The following CSRNP3 variants were observed in gnomAD, a reference collection of about 807,000 sequenced individuals.
CSRNP3 encodes cysteine and serine rich nuclear protein 3, also known as cysteine/serine-rich nuclear protein 3.
A neutral mutation model predicts 48.0 loss-of-function variants in CSRNP3; 12 were observed. That is an observed-to-expected ratio of 0.25 (90% CI 0.16 to 0.41). The LOEUF is 0.41. CSRNP3 is among the 10% of genes least tolerant of loss of function. The pLI is 1.00. For synonymous variants in CSRNP3, 263 were observed against 269.7 expected (o/e 0.98, Z 0.24); for missense variants, 580 against 724.4 (o/e 0.80, Z 2.29).
At chr2:165,617,612 C>A (rs1007153910) in intron 4 of CSRNP3, among the ~76,000 whole-genome samples, 1 of 152,148 alleles carries the variant, frequency 6.6e-6, no homozygotes, top group African/African-American at 2.4e-5. Context: ...CTGGTTGGTG[C>A]ATGCAGGCAC....
intron 4 of CSRNP3, among the ~76,000 whole-genome samples, chr2:165,612,656 A>G (rs953499817): frequency 5.9e-5 from 9 of 151,914 alleles, no homozygotes; most frequent in Non-Finnish European, 1.3e-4. Context: ...TAGCTCTCAC[A>G]TATAAATGAG....
At chr2:165,640,509 G>C (rs1195081406) in intron 4 of CSRNP3, among the ~76,000 whole-genome samples, 1 of 152,174 alleles carries the variant, frequency 6.6e-6, no homozygotes, top group East Asian at 1.9e-4. Context: ...GCATCATTAG[G>C]ATTGATAGCT....
intron 4 of CSRNP3, among the ~76,000 whole-genome samples, chr2:165,625,403 G>T (rs541988540): frequency 1.3e-5 from 2 of 151,716 alleles, no homozygotes; most frequent in Non-Finnish European, 2.9e-5. Flanking sequence ...AAGGTGGGTG[G>T]ATCATCTGAG....
chr2:165,484,561 T>C (rs1437665279), intron 1 of CSRNP3, among the ~76,000 whole-genome samples: 1 of 152,204 alleles, frequency 6.6e-6, no homozygotes, highest in African/African-American at 2.4e-5. Context: ...CTTCCAGCCA[T>C]GTACTGTCAG....
chr2:165,581,186 A>T (rs755399371), intron 3 of CSRNP3, among the ~76,000 whole-genome samples: 2 of 152,210 alleles, frequency 1.3e-5, no homozygotes, highest in Non-Finnish European at 2.9e-5. Context: ...CCAAATGATG[A>T]TCAATGTTTA....
At chr2:165,595,702 A>G (rs1685798928) in intron 4 of CSRNP3, among the ~76,000 whole-genome samples, 1 of 152,198 alleles carries the variant, frequency 6.6e-6, no homozygotes, top group Non-Finnish European at 1.5e-5. Flanking sequence ...AAGTGTGTAC[A>G]GTCTAATGGC....
chr2:165,485,663 G>T (rs2105451834), intron 1 of CSRNP3, among the ~76,000 whole-genome samples: 1 of 152,010 alleles, frequency 6.6e-6, no homozygotes, highest in Non-Finnish European at 1.5e-5. Flanking sequence ...ATAACTTTAG[G>T]GAGAATGGTA....
intron 4 of CSRNP3, among the ~76,000 whole-genome samples, chr2:165,649,039 G>A (rs1410026308): frequency 3.3e-5 from 5 of 152,140 alleles, no homozygotes; most frequent in Non-Finnish European, 4.4e-5. Flanking sequence ...TTGTGTGGAC[G>A]TAACTGACAG....
chr2:165,536,452 A>G (rs1684883432), intron 3 of CSRNP3, among the ~76,000 whole-genome samples: 1 of 151,954 alleles, frequency 6.6e-6, no homozygotes. Flanking sequence ...TCTGCCTGTC[A>G]AAAAACATGC....
At chr2:165,505,112 G>T (rs563958931) in intron 2 of CSRNP3, among the ~76,000 whole-genome samples, 2 of 152,192 alleles carry the variant, frequency 1.3e-5, no homozygotes, top group South Asian at 4.1e-4. Context: ...TGGGATTGGG[G>T]TTATAAATTC....
chr2:165,553,932 T>A (rs527414223), intron 3 of CSRNP3, among the ~76,000 whole-genome samples: 1 of 152,228 alleles, frequency 6.6e-6, no homozygotes, highest in Non-Finnish European at 1.5e-5. Context: ...TACTGCCCCA[T>A]TTCTTACCCA....
intron 4 of CSRNP3, among the ~76,000 whole-genome samples, chr2:165,651,902 T>C (rs892143646): frequency 6.6e-6 from 1 of 152,094 alleles, no homozygotes; most frequent in Admixed American, 6.5e-5. Context: ...GTGATCCGCC[T>C]GCCTCGGCCT....
intron 3 of CSRNP3, chr2:165,574,008 G>T (rs955734225): frequency 1.5e-5 from 3 of 201,570 alleles, no homozygotes; most frequent in Non-Finnish European, 3.0e-5. Context: ...GTGAGAATAG[G>T]ACTCTAAAAC....
At chr2:165,521,003 A>AT (rs1170257882) in intron 3 of CSRNP3, among the ~76,000 whole-genome samples, 2 of 150,748 alleles carry the variant, frequency 1.3e-5, no homozygotes, top group South Asian at 2.1e-4. Flanking sequence ...TTTTTAAAAA[A>AT]TTTTTTGTAG....
intron 4 of CSRNP3, 57 bp downstream of exon 4, chr2:165,595,270 G>T (rs935939480): frequency 2.1e-5 from 30 of 1,460,056 alleles, no homozygotes; most frequent in Non-Finnish European, 2.8e-5. Context: ...AAAACTAATT[G>T]TGTCATTTTT....
intron 3 of CSRNP3, among the ~76,000 whole-genome samples, chr2:165,542,949 G>A (rs964600761): frequency 5.9e-5 from 9 of 152,148 alleles, no homozygotes; most frequent in African/African-American, 2.2e-4. Flanking sequence ...CTGAGAATCT[G>A]TGGTTGCGTA....
At chr2:165,533,720 C>A (rs1684845661) in intron 3 of CSRNP3, among the ~76,000 whole-genome samples, 1 of 151,992 alleles carries the variant, frequency 6.6e-6, no homozygotes, top group Non-Finnish European at 1.5e-5. Flanking sequence ...TTCAAGGATG[C>A]TTTGGTAGGT....
chr2:165,672,913 G>A (rs572908528), intron 5 of CSRNP3, among the ~76,000 whole-genome samples: 38 of 152,118 alleles, frequency 2.5e-4, no homozygotes, highest in African/African-American at 8.2e-4. Flanking sequence ...AATATGTCTC[G>A]AAGGCTACAC....
chr2:165,498,834 A>G (rs1047879662), intron 2 of CSRNP3, among the ~76,000 whole-genome samples: 4 of 152,060 alleles, frequency 2.6e-5, no homozygotes, highest in Non-Finnish European at 5.9e-5. Context: ...AAAACCTCCA[A>G]ATTTCCCACA....
Sources: allele counts gnomAD v4.1 joint callset (sites outside exome capture counted in the v4.1 genomes callset), GRCh38; gene constraint gnomAD v4.1.1; transcripts MANE v1.5; gene names NCBI Gene and HGNC (gene_info 2026-07-23, HGNC 2026-07-21).